PURG: variants seen among roughly 807,000 people sequenced by gnomAD.
The protein encoded by PURG is purine rich element binding protein G, also known as purine-rich element-binding protein gamma.
Under a neutral mutation model 24.3 loss-of-function variants are expected in PURG, and 3 were observed. The observed-to-expected ratio is 0.12, with a 90% CI of 0.06 to 0.32. The LOEUF (loss-of-function observed/expected upper bound fraction) is 0.32, where lower values mean the gene tolerates loss of function less well. Among genes scored for constraint, PURG ranks in the 10% least tolerant of loss-of-function variants. The pLI, the probability that PURG is intolerant of heterozygous loss-of-function variation, is 1.00. For synonymous variants in PURG, 180 were observed against 173.1 expected, an observed-to-expected ratio of 1.04 and a Z score of -0.31; for missense variants, 371 against 439.1, an observed-to-expected ratio of 0.84 and a Z score of 1.39.
chr8:31,029,899 TCTAGTACTAACATTATCTC>T (rs1811162132), downstream of PURG, among the ~76,000 whole-genome samples: 1 of 151,960 alleles, frequency 6.6e-6, no homozygotes, highest in Admixed American at 6.5e-5. Context: ...TGCTATTAGC[TCTAGTACTAACATTATCTC>T]CTAACCTTCA....
At chr8:30,999,987 A>C (rs62704160) in intron 1 of PURG, among the ~76,000 whole-genome samples, 6 of 148,904 alleles carry the variant, frequency 4.0e-5, no homozygotes, top group East Asian at 2.0e-4. Flanking sequence ...ATAAAAAAAA[A>C]CCACACTGGT....
At chr8:31,030,593 C>T (rs1811175396), downstream of PURG, among the ~76,000 whole-genome samples, 1 of 151,490 alleles carries the variant, frequency 6.6e-6, no homozygotes, top group Non-Finnish European at 1.5e-5. Context: ...TATTTATAAC[C>T]AATCTTCAAA....
chr8:31,019,895 G>C (rs2129822544), intron 1 of PURG, among the ~76,000 whole-genome samples: 1 of 151,956 alleles, frequency 6.6e-6, no homozygotes, highest in African/African-American at 2.4e-5. Context: ...TGTAGGCTGG[G>C]GGTGGTGGCT....
chr8:31,032,859 G>T lies in PURG; in HGVS notation c.-6-71C>A. The T allele has an allele frequency of 8.7e-7, 1 of 1,155,000 alleles. No homozygotes were observed. Among genetic ancestry groups the T allele is most frequent in the Non-Finnish European group, 1.1e-6 (1 of 918,678 alleles). The allele number at this position is 1,155,000 out of a possible 1,614,324, so 71.5% of individuals were successfully genotyped here. On this transcript the variant is annotated intron_variant, in intron 1 of 1. Coordinates refer to ENST00000523392, the MANE Select transcript of PURG (RefSeq NM_001323311.2). The surrounding 1 kb of genome is among the most constrained non-coding windows in gnomAD (Gnocchi z 5.9). ...TTGAGAACAATCGCAGACGCCCCTC[G>T]GCCTGACCGCCCCGCCGCCGCCCGC...
chr8:31,026,091 C>A (rs1282136939), downstream of PURG, among the ~76,000 whole-genome samples: 1 of 151,880 alleles, frequency 6.6e-6, no homozygotes, highest in African/African-American at 2.4e-5. Context: ...AGTATTTCAA[C>A]AGAAATATAC....
chr8:31,014,564 T>G (rs1457771106), intron 1 of PURG, among the ~76,000 whole-genome samples: 9 of 152,232 alleles, frequency 5.9e-5, no homozygotes, highest in African/African-American at 2.2e-4. Context: ...TACATTTTTA[T>G]TTTTTACCTA....
intron 1 of PURG, among the ~76,000 whole-genome samples, chr8:31,010,083 C>T (rs1810736330): frequency 6.6e-6 from 1 of 151,836 alleles, no homozygotes; most frequent in Admixed American, 6.6e-5. Flanking sequence ...GGTGACAAAG[C>T]AAGACCCTGT....
intron 1 of PURG, among the ~76,000 whole-genome samples, chr8:31,014,141 G>A (rs1382402791): frequency 6.6e-6 from 1 of 151,906 alleles, no homozygotes; most frequent in Non-Finnish European, 1.5e-5. Context: ...ATTTAAAATG[G>A]TTCAATACAA....
intron 1 of PURG, among the ~76,000 whole-genome samples, chr8:31,025,755 C>G (rs537825865): frequency 1.3e-5 from 2 of 151,812 alleles, no homozygotes; most frequent in South Asian, 4.2e-4. Context: ...GCTCACAAAA[C>G]TATTAAGGCA....
In PURG at chr8:30,996,625, G is replaced by A. The variant is rs751149259; in HGVS notation, c.937C>T (p.Pro313Ser). Reference sequence around the variant, plus strand: ...TCAACTGTTTTTGTAGTATCATGGGGCTGTTCCTTATGCTTGATTTGACAA... The same window carrying A: ...TCAACTGTTTTTGTAGTATCATGGGACTGTTCCTTATGCTTGATTTGACAA... Residue 313 changes from proline to serine, a missense_variant, in exon 2 of 2, where the codon CCC becomes TCC. Physicochemically the swap from Pro to Ser is moderately conservative, Grantham distance 74. Coordinates refer to the PURG transcript ENST00000339382. 3.7e-6 allele frequency: 6 copies of A among 1,611,678 alleles called. No homozygotes were observed. In the Admixed American group the frequency reaches 6.7e-5, roughly 18 times the overall value.
chr8:31,016,581 C>CAAAAA (rs11433207), intron 1 of PURG, among the ~76,000 whole-genome samples: 1,883 of 57,496 alleles, frequency 0.033, 163 homozygotes, highest in Middle Eastern at 0.043. Context: ...TACCAAGAAC[C>CAAAAA]AAAAAAAAAA....
At chr8:31,030,595 A>G (rs1293072253), downstream of PURG, among the ~76,000 whole-genome samples, 2 of 151,848 alleles carry the variant, frequency 1.3e-5, no homozygotes, top group Admixed American at 1.3e-4. Context: ...TTTATAACCA[A>G]TCTTCAAATA....
chr8:31,025,076 A>G (rs1197056399), intron 1 of PURG, among the ~76,000 whole-genome samples: 1 of 152,070 alleles, frequency 6.6e-6, no homozygotes, highest in Non-Finnish European at 1.5e-5. Flanking sequence ...AAGTAACTTC[A>G]CTATAGCAGC....
intron 1 of PURG, among the ~76,000 whole-genome samples, chr8:31,019,853 G>T (rs1007043482): frequency 6.6e-6 from 1 of 150,776 alleles, no homozygotes; most frequent in Non-Finnish European, 1.5e-5. Flanking sequence ...TTTTAAAGCA[G>T]TGAGTTCAAT....
intron 1 of PURG, among the ~76,000 whole-genome samples, chr8:31,010,396 C>T (rs1335555486): frequency 1.3e-5 from 2 of 152,162 alleles, no homozygotes; most frequent in Non-Finnish European, 2.9e-5. Context: ...GCAGCTGGTG[C>T]ACAGACATGA....
chr8:30,996,924 C>T (rs1810439749), intron 1 of PURG, among the ~76,000 whole-genome samples: 1 of 151,574 alleles, frequency 6.6e-6, no homozygotes, highest in South Asian at 2.1e-4. Flanking sequence ...ATTCAGATCT[C>T]AATGCATTGA....
downstream of PURG, among the ~76,000 whole-genome samples, chr8:31,029,240 A>G (rs942444748): frequency 2.0e-5 from 3 of 151,952 alleles, no homozygotes; most frequent in Admixed American, 6.6e-5. Context: ...AAACAAAAGG[A>G]CTGGCAGAAG....
rs1424173582 is a variant in PURG, at chr8:31,005,756, G to GCATTTTT, written c.865-9066_865-9060dup. Among the ~76,000 whole-genome samples the GCATTTTT allele has an allele frequency of 2.1e-4, 29 of 140,590 alleles. 1 individual carries two copies. Among genetic ancestry groups the GCATTTTT allele is most frequent in the Non-Finnish European group, 3.6e-4 (24 of 66,244 alleles). 92.2% of individuals were successfully genotyped at this position (140,590 alleles called of 152,430 possible). A position where few individuals can be genotyped will look rare whatever the true frequency, so the allele number is the denominator to read the frequency against. ...CTTCTAAAGCATCAGAAATTGCTTAGCATTTTTCTTTTTTCTTTTTTTTTT... is the reference window on the plus strand; with the variant it reads ...CTTCTAAAGCATCAGAAATTGCTTAGCATTTTTCATTTTTCTTTTTTCTTTTTTTTTT... On this transcript the variant is annotated intron_variant, in intron 1 of 1. Transcript: ENST00000339382.
rs2129853402 is a variant in PURG, at chr8:31,030,885, T to C, written c.*854A>G. 6.6e-6 allele frequency: 1 copy of C among 152,308 alleles called. No individual in the cohort carries two copies. The highest frequency in any genetic ancestry group is 6.5e-5 in the Admixed American group (1 of 15,296). The allele number at this position is 152,308 out of a possible 1,614,324, so 9.4% of individuals were successfully genotyped here. A position where few individuals can be genotyped will look rare whatever the true frequency, so the allele number is the denominator to read the frequency against. On this transcript the variant is annotated 3_prime_UTR_variant, in exon 2 of 2. Coordinates refer to ENST00000523392, the MANE Select transcript of PURG (RefSeq NM_001323311.2). ...GATATATTTTGGGGAAGAAACCTCTTGCAATCTTTAAATTAGCATGAAAAG... is the reference window on the plus strand; with the variant it reads ...GATATATTTTGGGGAAGAAACCTCTCGCAATCTTTAAATTAGCATGAAAAG...
Sources: allele counts gnomAD v4.1 joint callset (sites outside exome capture counted in the v4.1 genomes callset), GRCh38; gene constraint gnomAD v4.1.1; non-coding constraint Gnocchi (gnomAD v3.1); transcripts MANE v1.5; gene names NCBI Gene and HGNC (gene_info 2026-07-23, HGNC 2026-07-21).